The following GPC3 variants were observed in gnomAD, a reference collection of about 807,000 sequenced individuals.
GPC3 encodes glypican 3.
A neutral mutation model predicts 34.4 loss-of-function variants in GPC3; 3 were observed. The ratio of observed to expected loss-of-function variants is 0.09; its 90% CI spans 0.04 to 0.23. The LOEUF (loss-of-function observed/expected upper bound fraction) is 0.23. Ranked by LOEUF, GPC3 falls within the 10% of genes least tolerant of loss-of-function variation. The probability of loss-of-function intolerance (pLI) is 1.00; values close to 1 mark genes in which losing one functional copy is unlikely to be tolerated. For missense variants in GPC3, 351 were observed against 445.6 expected, an observed-to-expected ratio of 0.79 and a Z score of 1.91; for synonymous variants, 177 against 174.0, an observed-to-expected ratio of 1.02 and a Z score of -0.13.
intron 6 of GPC3, among the ~76,000 whole-genome samples, 170 bp downstream of exon 6, chrX:133,661,560 A>ATCTCTCTT (rs1569408530): frequency 4.9e-5 from 3 of 60,653 alleles, no homozygotes; most frequent in East Asian, 5.4e-4. Flanking sequence ...AGCTGGCTAT[A>ATCTCTCTT]TCTCTCTTTC....
intron 1 of GPC3, among the ~76,000 whole-genome samples, chrX:133,975,902 G>GAA (rs2076512702): frequency 8.9e-6 from 1 of 111,790 alleles, no homozygotes; most frequent in Non-Finnish European, 1.9e-5. Context: ...ACCTAACCTG[G>GAA]AAACTGCTTC....
At chrX:133,678,943 C>T (rs908035047) in intron 5 of GPC3, among the ~76,000 whole-genome samples, 1 of 111,708 alleles carries the variant, frequency 9.0e-6, no homozygotes, top group African/African-American at 3.3e-5. Flanking sequence ...AAATTCAATT[C>T]CCAGCATTGT....
chrX:133,874,782 C>G (rs777316671), intron 2 of GPC3, among the ~76,000 whole-genome samples: 10 of 112,250 alleles, frequency 8.9e-5, no homozygotes, highest in African/African-American at 3.2e-4. Flanking sequence ...AACAGGCTTT[C>G]CAACTCACAT....
chrX:133,816,731 A>G (rs1418318787), intron 2 of GPC3, among the ~76,000 whole-genome samples: 2 of 111,503 alleles, frequency 1.8e-5, no homozygotes, highest in Non-Finnish European at 3.8e-5. Flanking sequence ...AACAAGGAAG[A>G]GCAAGATCCT....
At chrX:133,731,214 G>A (rs985728772) in intron 3 of GPC3, among the ~76,000 whole-genome samples, 1 of 112,365 alleles carries the variant, frequency 8.9e-6, no homozygotes, top group African/African-American at 3.2e-5. Context: ...ACCTCCCATG[G>A]CACCTCTAAC....
At position 133,985,442 on chromosome X, in the gene GPC3, C is replaced by G; in HGVS notation, c.8G>C (p.Gly3Ala). 4 of 1,170,629 alleles carry G rather than the reference C, an allele frequency of 3.4e-6. No homozygotes were observed. Among genetic ancestry groups the G allele is most frequent in the Non-Finnish European group, 3.4e-6 (3 of 875,005 alleles). The change falls in exon 1 of 8, where the codon GGG (glycine) becomes GCG (alanine). Residue 3 changes from glycine (G) to alanine (A), a missense_variant. Transcript: ENST00000370818. MA[G>A]TVRTACLVVA... ...CACCAAGCACGCGGTGCGCACGGTCCCGGCCATCCTGCTTCGCAGGGAGCT... is the reference window on the plus strand; with the variant it reads ...CACCAAGCACGCGGTGCGCACGGTCGCGGCCATCCTGCTTCGCAGGGAGCT...
chrX:133,653,990 T>A lies in GPC3; in HGVS notation c.1413+7740A>T, dbSNP rs754421865. ...TCATTTCCCTCTCCTGGCTTTAACATCCTCTGTAAAATCAAAGGGTTAGAC... is the reference window on the plus strand; with the variant it reads ...TCATTTCCCTCTCCTGGCTTTAACAACCTCTGTAAAATCAAAGGGTTAGAC... On this transcript the variant is annotated intron_variant, in intron 6 of 7. Coordinates refer to ENST00000370818, the MANE Select transcript of GPC3 (RefSeq NM_004484.4). Among the ~76,000 whole-genome samples the A allele has an allele frequency of 5.4e-5, 6 of 111,859 alleles. No homozygotes were observed. The East Asian group carries it at 8.4e-4, about 16-fold the overall frequency.
At position 133,754,196 on chromosome X, in the gene GPC3, AG is replaced by A. The variant is rs2071704507; in HGVS notation, c.338-21del. ...AGGCCTCTGTAAAAAAAAAAAAAAA[AG>A]AGACACAAAAATGTGTACAAATTAA... On this transcript the variant is annotated intron_variant, in intron 2 of 7. Coordinates refer to ENST00000370818, the MANE Select transcript of GPC3 (RefSeq NM_004484.4). 6 of 986,829 alleles carry A rather than the reference AG, an allele frequency of 6.1e-6. No homozygotes were observed. Among genetic ancestry groups the A allele is most frequent in the Non-Finnish European group, 8.5e-6 (6 of 703,506 alleles). The allele number at this position is 986,829 out of a possible 1,213,427, so 81.3% of individuals were successfully genotyped here.
At chrX:133,712,762 G>A (rs1192470152) in intron 3 of GPC3, among the ~76,000 whole-genome samples, 1 of 110,494 alleles carries the variant, frequency 9.1e-6, no homozygotes, top group Non-Finnish European at 1.9e-5. Flanking sequence ...GCAGGCACCT[G>A]TAATCCCAGC....
chrX:133,813,263 G>A (rs1453087370), intron 2 of GPC3, among the ~76,000 whole-genome samples: 6 of 112,598 alleles, frequency 5.3e-5, no homozygotes, highest in Non-Finnish European at 9.4e-5. Context: ...TAGCTGCTTA[G>A]CCATGCTTCT....
chrX:133,805,733 G>T (rs2075632468), intron 2 of GPC3, among the ~76,000 whole-genome samples: 1 of 111,975 alleles, frequency 8.9e-6, no homozygotes, highest in African/African-American at 3.2e-5. Context: ...AGGTTGTTGA[G>T]ATGAGTTAAT....
chrX:133,683,421 T>C (rs756797415), intron 5 of GPC3, among the ~76,000 whole-genome samples: 16 of 112,117 alleles, frequency 1.4e-4, no homozygotes, highest in Non-Finnish European at 2.8e-4. Flanking sequence ...TATCCAACCA[T>C]CAGAATCACA....
At chrX:133,621,327 G>C (rs1013179185) in intron 6 of GPC3, among the ~76,000 whole-genome samples, 14 of 111,558 alleles carry the variant, frequency 1.3e-4, no homozygotes. Flanking sequence ...TGCAGTCCAC[G>C]GAGCGTGAGC....
chrX:133,775,663 T>C (rs2071971548), intron 2 of GPC3, among the ~76,000 whole-genome samples: 1 of 111,572 alleles, frequency 9.0e-6, no homozygotes, highest in South Asian at 3.8e-4. Flanking sequence ...ATGTGTATAT[T>C]GACAAGGAAA....
intron 7 of GPC3, among the ~76,000 whole-genome samples, chrX:133,576,441 T>C (rs2069682641): frequency 9.0e-6 from 1 of 110,900 alleles, no homozygotes; most frequent in African/African-American, 3.3e-5. Context: ...GGTTTCACCA[T>C]GTTGGCCAGG....
intron 1 of GPC3, among the ~76,000 whole-genome samples, chrX:133,978,431 A>G (rs187787950): frequency 2.2e-3 from 244 of 112,370 alleles, no homozygotes; most frequent in African/African-American, 7.5e-3. Context: ...TGTATAATAT[A>G]TCTTCAATTT....
chrX:133,884,634 T>C (rs2076055032), intron 2 of GPC3, among the ~76,000 whole-genome samples: 1 of 111,853 alleles, frequency 8.9e-6, no homozygotes, highest in South Asian at 3.7e-4. Context: ...TGTAGAGCCC[T>C]AGTTTCAATG....
intron 2 of GPC3, among the ~76,000 whole-genome samples, chrX:133,822,611 G>A (rs2075724915): frequency 9.0e-6 from 1 of 111,265 alleles, no homozygotes; most frequent in Admixed American, 9.5e-5. Context: ...CATATACAGG[G>A]TTCAGTACTA....
At chrX:133,858,012 G>A (rs1231367198) in intron 2 of GPC3, among the ~76,000 whole-genome samples, 1 of 111,882 alleles carries the variant, frequency 8.9e-6, no homozygotes, top group East Asian at 2.8e-4. Flanking sequence ...AGATGGTGTG[G>A]TAAGTGGGAG....
Sources: gnomAD v4.1 joint callset for allele counts (sites outside exome capture counted in the v4.1 genomes callset) on GRCh38, gnomAD v4.1.1 for gene constraint, MANE v1.5 for transcripts, NCBI Gene and HGNC (gene_info 2026-07-23, HGNC 2026-07-21) for gene names.